The following ERG variants were observed in gnomAD, a reference collection of about 807,000 sequenced individuals.
ERG encodes transcriptional regulator ERG.
Under a neutral mutation model 55.3 loss-of-function variants are expected in ERG, and 9 were observed. The ratio of observed to expected loss-of-function variants is 0.16; its 90% CI spans 0.10 to 0.28. ERG has a LOEUF of 0.28. Ranked by LOEUF, ERG falls within the 10% of genes least tolerant of loss-of-function variation. The probability of loss-of-function intolerance (pLI) is 1.00; values close to 1 mark genes in which losing one functional copy is unlikely to be tolerated. For missense variants in ERG, 434 were observed against 631.6 expected (o/e 0.69, Z 3.35); for synonymous variants, 223 against 237.3 (o/e 0.94, Z 0.55).
chr21:38,528,453 TTTTTTTTTTTTTG>T (rs2059646928), intron 2 of ERG, among the ~76,000 whole-genome samples: 1 of 43,560 alleles, frequency 2.3e-5, no homozygotes, highest in African/African-American at 8.2e-5. Context: ...TTTTTTTTTT[TTTTTTTTTTTTTG>T]AGACGGAGTC....
intron 1 of ERG, among the ~76,000 whole-genome samples, chr21:38,464,555 T>C (rs2059071683): frequency 6.6e-6 from 1 of 152,234 alleles, no homozygotes; most frequent in African/African-American, 2.4e-5. Context: ...CAGGATATGT[T>C]CATTTTTAGA....
chr21:38,505,278 G>A (rs1178810854), intron 2 of ERG, among the ~76,000 whole-genome samples: 1 of 152,164 alleles, frequency 6.6e-6, no homozygotes, highest in Non-Finnish European at 1.5e-5. Flanking sequence ...GTCTGTCTCA[G>A]CGCAGTAACT....
chr21:38,463,677 A>C (rs1315928215), intron 1 of ERG, among the ~76,000 whole-genome samples: 2 of 152,222 alleles, frequency 1.3e-5, no homozygotes, highest in Non-Finnish European at 2.9e-5. Flanking sequence ...GAGCATTTCC[A>C]GATGGAGAAA....
intron 1 of ERG, among the ~76,000 whole-genome samples, chr21:38,462,200 C>T (rs1047340256): frequency 1.3e-5 from 2 of 152,118 alleles, no homozygotes; most frequent in African/African-American, 4.8e-5. Context: ...CTAGGCTGGT[C>T]TTGAACTCCT....
upstream of ERG, among the ~76,000 whole-genome samples, chr21:38,500,790 C>T (rs932663186): frequency 3.9e-5 from 6 of 152,050 alleles, no homozygotes; most frequent in Admixed American, 3.3e-4. Flanking sequence ...AGTTTTACTG[C>T]GTCTAATTTT....
At chr21:38,367,682 T>C in the ERG span, 6 of 503,208 alleles carry the variant, frequency 1.2e-5, no homozygotes, top group Non-Finnish European at 2.0e-5. Flanking sequence ...TAAGCTCCAC[T>C]CTTGAAAAGA....
At chr21:38,625,466 C>T (rs757911337) in intron 1 of ERG, among the ~76,000 whole-genome samples, 4 of 152,090 alleles carry the variant, frequency 2.6e-5, no homozygotes, top group Non-Finnish European at 5.9e-5. Flanking sequence ...TAAAATGCTA[C>T]CCACTTGGCC....
chr21:38,636,213 C>G (rs2060387564), intron 1 of ERG, among the ~76,000 whole-genome samples: 2 of 152,188 alleles, frequency 1.3e-5, no homozygotes, highest in African/African-American at 2.4e-5. Context: ...TTCCTGAGGC[C>G]TCCCCAGCCA....
intron 1 of ERG, among the ~76,000 whole-genome samples, chr21:38,657,260 C>T (rs1481895952): frequency 6.6e-6 from 1 of 152,198 alleles, no homozygotes; most frequent in East Asian, 1.9e-4. Context: ...TGAACACGCA[C>T]TGAGTCAAGA....
chr21:38,578,979 CATA>C (rs2060011894), intron 1 of ERG, among the ~76,000 whole-genome samples: 1 of 152,288 alleles, frequency 6.6e-6, no homozygotes, highest in South Asian at 2.1e-4. Context: ...AACACAGAGA[CATA>C]ATATTTCCAC....
At chr21:38,480,934 C>A (rs944196859) in intron 1 of ERG, among the ~76,000 whole-genome samples, 2 of 152,006 alleles carry the variant, frequency 1.3e-5, no homozygotes, top group African/African-American at 4.8e-5. Flanking sequence ...AAAACAAAAT[C>A]TAATTTTTGG....
intron 1 of ERG, among the ~76,000 whole-genome samples, chr21:38,476,299 G>A (rs915099083): frequency 1.3e-5 from 2 of 152,160 alleles, no homozygotes; most frequent in Non-Finnish European, 2.9e-5. Flanking sequence ...TCAGAGAGAG[G>A]CGGGCTGCAA....
intron 2 of ERG, among the ~76,000 whole-genome samples, chr21:38,538,089 C>T (rs775633672): frequency 4.5e-4 from 68 of 152,098 alleles, no homozygotes; most frequent in East Asian, 1.9e-4. Context: ...AAATGCTGTA[C>T]GATTCCACTT....
intron 2 of ERG, among the ~76,000 whole-genome samples, chr21:38,428,672 CT>C (rs1197916229): frequency 6.6e-6 from 1 of 152,172 alleles, no homozygotes. Flanking sequence ...CATACACATA[CT>C]TTTAAACATA....
chr21:38,452,889 C>A (rs1184510557), intron 1 of ERG, among the ~76,000 whole-genome samples: 1 of 152,240 alleles, frequency 6.6e-6, no homozygotes, highest in Non-Finnish European at 1.5e-5. Context: ...ATTTTCAGGG[C>A]TGGCTCCTCT....
At chr21:38,484,179 GGTCGTGA>G (rs1265332516) in intron 1 of ERG, among the ~76,000 whole-genome samples, 1 of 152,162 alleles carries the variant, frequency 6.6e-6, no homozygotes, top group Non-Finnish European at 1.5e-5. Context: ...TGCCCAGGCT[GGTCGTGA>G]ACTCCTGAGC....
chr21:38,403,938 C>T (rs905544734), intron 3 of ERG, among the ~76,000 whole-genome samples: 4 of 152,192 alleles, frequency 2.6e-5, no homozygotes, highest in Non-Finnish European at 4.4e-5. Flanking sequence ...GGATTATTCA[C>T]ATCACATGCC....
intron 2 of ERG, among the ~76,000 whole-genome samples, chr21:38,527,942 C>A (rs1159890939): frequency 6.6e-6 from 1 of 152,202 alleles, no homozygotes; most frequent in African/African-American, 2.4e-5. Context: ...CCCTGGGCGG[C>A]TTCCGCCACC....
intron 1 of ERG, among the ~76,000 whole-genome samples, chr21:38,661,129 G>A (rs2147000653): frequency 6.6e-6 from 1 of 151,546 alleles, no homozygotes; most frequent in East Asian, 2.0e-4. Flanking sequence ...TACTGGAGGG[G>A]CGAGGAGCAA....
Sources: gnomAD v4.1 joint callset for allele counts (sites outside exome capture counted in the v4.1 genomes callset) on GRCh38, gnomAD v4.1.1 for gene constraint, MANE v1.5 for transcripts, NCBI Gene and HGNC (gene_info 2026-07-23, HGNC 2026-07-21) for gene names.